The following TMEM217B variants were observed in gnomAD, a reference collection of about 807,000 sequenced individuals.
TMEM217B encodes the protein putative transmembrane protein 217B.
chr6:37,257,982 A>G, the TMEM217B span: 1 of 1,613,978 alleles, frequency 6.2e-7, no homozygotes, highest in African/African-American at 1.3e-5. Context: ...AGGTGAGCCC[A>G]GGACGCTGAG....
the TMEM217B span, among the ~76,000 whole-genome samples, chr6:37,223,654 G>A: frequency 1.3e-5 from 2 of 151,968 alleles, no homozygotes; most frequent in East Asian, 1.9e-4. Flanking sequence ...GATTACAAGC[G>A]TGTGCCACCA....
chr6:37,257,908 G>C, the TMEM217B span: 1 of 1,613,372 alleles, frequency 6.2e-7, no homozygotes, highest in Non-Finnish European at 8.5e-7. Context: ...GACTTCCCCC[G>C]GCCAGAGCAA....
the TMEM217B span, among the ~76,000 whole-genome samples, chr6:37,252,993 A>G: frequency 9.9e-5 from 15 of 152,178 alleles, no homozygotes; most frequent in Non-Finnish European, 1.8e-4. Context: ...AAGTTCCAGA[A>G]GTACCAAGAT....
At chr6:37,231,119 G>A in the TMEM217B span, among the ~76,000 whole-genome samples, 8 of 151,604 alleles carry the variant, frequency 5.3e-5, no homozygotes, top group African/African-American at 1.2e-4. Context: ...GAGTGCAGGC[G>A]CATGATCTCT....
At chr6:37,230,744 A>AGCAAACC in the TMEM217B span, among the ~76,000 whole-genome samples, 4 of 152,190 alleles carry the variant, frequency 2.6e-5, no homozygotes, top group Non-Finnish European at 5.9e-5. Context: ...TAGAAGCCCT[A>AGCAAACC]GCAAACCAAT....
At chr6:37,215,128 A>T in the TMEM217B span, 1 of 1,593,680 alleles carries the variant, frequency 6.3e-7, no homozygotes, top group South Asian at 1.1e-5. Context: ...GGTCACTATA[A>T]TAATGGCCTA....
the TMEM217B span, among the ~76,000 whole-genome samples, chr6:37,252,479 A>AACAT: frequency 6.6e-6 from 1 of 151,742 alleles, no homozygotes; most frequent in South Asian, 2.1e-4. Flanking sequence ...ATACATACAT[A>AACAT]ACATACATAT....
the TMEM217B span, among the ~76,000 whole-genome samples, chr6:37,221,739 C>T: frequency 1.3e-5 from 2 of 152,168 alleles, no homozygotes; most frequent in Non-Finnish European, 2.9e-5. Context: ...AGTTCTTGTT[C>T]TGTGTCCAAG....
chr6:37,252,637 ATT>A, the TMEM217B span, among the ~76,000 whole-genome samples: 227 of 71,282 alleles, frequency 3.2e-3, no homozygotes, highest in Middle Eastern at 7.4e-3. Flanking sequence ...ATATATATAT[ATT>A]TTTTTTTTTT....
chr6:37,257,737 C>T, the TMEM217B span: 156 of 632,130 alleles, frequency 2.5e-4, 1 homozygote, highest in Admixed American at 4.0e-3. Context: ...TTGCGCAGCT[C>T]ACCAATGGCA....
chr6:37,225,225 A>G, the TMEM217B span, among the ~76,000 whole-genome samples: 1 of 152,098 alleles, frequency 6.6e-6, no homozygotes, highest in East Asian at 1.9e-4. Flanking sequence ...AATTACCAAA[A>G]GTAAGAGGAT....
chr6:37,219,769 T>G, the TMEM217B span, among the ~76,000 whole-genome samples: 2 of 152,134 alleles, frequency 1.3e-5, no homozygotes, highest in Non-Finnish European at 2.9e-5. Context: ...CTCCCAGCAT[T>G]GCCTTGGGCT....
the TMEM217B span, chr6:37,215,310 A>C: frequency 6.2e-7 from 1 of 1,608,186 alleles, no homozygotes; most frequent in Non-Finnish European, 8.5e-7. Context: ...CAAATGAATA[A>C]AAATTGTTTT....
chr6:37,242,925 A>G, the TMEM217B span, among the ~76,000 whole-genome samples: 1 of 152,098 alleles, frequency 6.6e-6, no homozygotes, highest in Admixed American at 6.5e-5. Context: ...AACATTTCCC[A>G]GAAAACCCCT....
chr6:37,247,598 G>C, the TMEM217B span, among the ~76,000 whole-genome samples: 2 of 152,080 alleles, frequency 1.3e-5, no homozygotes, highest in Admixed American at 1.3e-4. Flanking sequence ...ATGTTGGCCA[G>C]GATGGTCTCG....
At chr6:37,227,110 T>C in the TMEM217B span, among the ~76,000 whole-genome samples, 1 of 152,218 alleles carries the variant, frequency 6.6e-6, no homozygotes, top group Non-Finnish European at 1.5e-5. Flanking sequence ...ACTGACTCAC[T>C]TGTCTTCATA....
the TMEM217B span, among the ~76,000 whole-genome samples, chr6:37,216,153 A>G: frequency 6.6e-6 from 1 of 152,056 alleles, no homozygotes; most frequent in Non-Finnish European, 1.5e-5. Flanking sequence ...ATTATGGCTC[A>G]CTGCAACCTC....
the TMEM217B span, among the ~76,000 whole-genome samples, chr6:37,221,854 G>T: frequency 5.0e-3 from 762 of 152,294 alleles, 6 homozygotes; most frequent in Non-Finnish European, 8.5e-3. Context: ...CGCTCTGTAG[G>T]CAAGTCATGC....
chr6:37,244,651 T>C, the TMEM217B span, among the ~76,000 whole-genome samples: 7 of 152,362 alleles, frequency 4.6e-5, no homozygotes, highest in African/African-American at 1.4e-4. Flanking sequence ...TGGAGAATCA[T>C]ATGTGTGTTG....
Sources: gnomAD v4.1 joint callset for allele counts (sites outside exome capture counted in the v4.1 genomes callset) on GRCh38, gnomAD v4.1.1 for gene constraint, MANE v1.5 for transcripts, NCBI Gene and HGNC (gene_info 2026-07-23, HGNC 2026-07-21) for gene names.